Variants in AOPEP observed in about 807,000 individuals in gnomAD.
AOPEP encodes the protein aminopeptidase O (putative).
In AOPEP, 77 loss-of-function variants were observed where a neutral mutation model predicts 98.1. That is an observed-to-expected ratio of 0.78 (90% CI 0.65 to 0.95). The LOEUF (loss-of-function observed/expected upper bound fraction) is 0.95, where lower values mean the gene tolerates loss of function less well. Ranked by LOEUF, AOPEP falls within the 40% of genes least tolerant of loss-of-function variation. AOPEP has a pLI of 0.00. For synonymous variants in AOPEP, 346 were observed against 365.3 expected (o/e 0.95, Z 0.60); for missense variants, 1,024 against 1,024.7 (o/e 1.00, Z 0.01).
chr9:94,909,712 C>A (rs1054599416), intron 5 of AOPEP, among the ~76,000 whole-genome samples: 1 of 152,240 alleles, frequency 6.6e-6, no homozygotes, highest in African/African-American at 2.4e-5. Context: ...TAGATCCCCA[C>A]AAGCCTCTAG....
At chr9:94,778,920 T>C (rs548838738) in intron 3 of AOPEP, among the ~76,000 whole-genome samples, 1 of 152,056 alleles carries the variant, frequency 6.6e-6, no homozygotes, top group South Asian at 2.1e-4. Context: ...TCCCATTTAC[T>C]CAGGAGGCTG....
At chr9:95,101,887 C>T in the AOPEP span, 1 of 1,612,676 alleles carries the variant, frequency 6.2e-7, no homozygotes. Flanking sequence ...AATTAAAACA[C>T]TTTCCAGACA....
chr9:94,782,796 G>A (rs916992623), intron 3 of AOPEP, among the ~76,000 whole-genome samples: 1 of 152,106 alleles, frequency 6.6e-6, no homozygotes, highest in Non-Finnish European at 1.5e-5. Flanking sequence ...GAAAGATGCC[G>A]GTGAGCCAGT....
intron 5 of AOPEP, among the ~76,000 whole-genome samples, chr9:94,920,502 C>T (rs989521921): frequency 2.0e-5 from 3 of 152,124 alleles, no homozygotes; most frequent in African/African-American, 7.2e-5. Flanking sequence ...TAGCCAGGGC[C>T]GCCAAGTGCT....
chr9:94,861,637 A>G (rs936317944), intron 5 of AOPEP, among the ~76,000 whole-genome samples: 2 of 152,148 alleles, frequency 1.3e-5, no homozygotes, highest in African/African-American at 2.4e-5. Context: ...TTTTAGGCCC[A>G]TTTTTGGAAA....
the AOPEP span, among the ~76,000 whole-genome samples, chr9:95,120,161 C>T: frequency 2.0e-5 from 3 of 152,318 alleles, no homozygotes; most frequent in Non-Finnish European, 4.4e-5. Flanking sequence ...TCTGTTGAAG[C>T]CCATGATCCT....
rs530296375 is a variant in AOPEP at position 94,779,425 on chromosome 9, A to G, written c.964+6257A>G. ...CTGCAGTAAAGCCTTGTGTTTGACA[A>G]TGTTTCCCAAACTTGAGCATTATTC... On this transcript the variant is annotated intron_variant, in intron 3 of 16. Transcript: ENST00000375315. 2.6e-4 allele frequency among the ~76,000 whole-genome samples: 40 copies of G among 152,282 alleles called. 2 individuals are homozygous for G. The South Asian group carries it at 7.7e-3, about 29-fold the overall frequency.
At position 95,016,948 on chromosome 9, in the gene AOPEP, A is replaced by T. The variant is rs72750384; in HGVS notation, c.2115+11332A>T. 5.2e-3 allele frequency among the ~76,000 whole-genome samples: 786 copies of T among 151,344 alleles called. 14 individuals carry two copies. The highest frequency in any genetic ancestry group is 0.043 in the East Asian group (221 of 5,160). On this transcript the variant is annotated intron_variant, in intron 13 of 16. Transcript: ENST00000375315. ...AACAGTAGTCATTTTATGTGGCCTC[A>T]CTTGTAACTACAAGTCACATAGCTC...
rs187773133 is a variant in AOPEP at position 94,912,218 on chromosome 9, C to T, written c.1365-11768C>T. ...GACCCCCAGCTCTGTCCCCAAAGAC[C>T]GAGTTCTTAAAAACCACTAGAATAG... On this transcript the variant is annotated intron_variant, in intron 5 of 16. Transcript: ENST00000375315. 5.4e-4 allele frequency among the ~76,000 whole-genome samples: 82 copies of T among 152,222 alleles called. No homozygotes were observed. In the East Asian group the frequency reaches 0.012, roughly 23 times the overall value.
Position 94,868,852 on chromosome 9 carries a change from A to G in AOPEP, c.1365-55134A>G, listed in dbSNP as rs182230467. On this transcript the variant is annotated intron_variant, in intron 5 of 16. Transcript: ENST00000375315. Reference sequence around the variant, plus strand: ...CTTCATGTGTATTCGGAATGTATTTAGTATTGCTTGCCATATTTTAAAACT... The same window carrying G: ...CTTCATGTGTATTCGGAATGTATTTGGTATTGCTTGCCATATTTTAAAACT... 1.9e-4 allele frequency among the ~76,000 whole-genome samples: 29 copies of G among 152,290 alleles called. No individual in the cohort carries two copies. The East Asian group carries it at 5.6e-3, about 29-fold the overall frequency.
rs564831468 is a variant in AOPEP at position 94,731,790 on chromosome 9, C to CTTTTT, written c.-136+5058_-136+5062dup. Reference sequence around the variant, plus strand: ...TTTTCCCTAGTCTGTTCTCTTTTGCCTTTTTTTTTTTTTTTTTTTTTTTGA... The same window carrying CTTTTT: ...TTTTCCCTAGTCTGTTCTCTTTTGCCTTTTTTTTTTTTTTTTTTTTTTTTTTTTGA... On this transcript the variant is annotated intron_variant, in intron 1 of 16. Transcript: ENST00000375315. Among the ~76,000 whole-genome samples, 172 of 86,270 alleles carry CTTTTT rather than the reference C, an allele frequency of 2.0e-3. 3 individuals are homozygous for CTTTTT. The highest frequency in any genetic ancestry group is 0.011 in the Middle Eastern group (1 of 94). The allele number at this position is 86,270 out of a possible 152,430, so 56.6% of individuals were successfully genotyped here. A position where few individuals can be genotyped will look rare whatever the true frequency, so the allele number is the denominator to read the frequency against.
intron 5 of AOPEP, among the ~76,000 whole-genome samples, chr9:94,887,749 G>C (rs1032253907): frequency 1.3e-5 from 2 of 152,168 alleles, no homozygotes; most frequent in African/African-American, 2.4e-5. Flanking sequence ...CGGGCAGACA[G>C]GACAGATAGA....
intron 5 of AOPEP, among the ~76,000 whole-genome samples, chr9:94,922,626 C>G (rs2053784234): frequency 6.6e-6 from 1 of 151,930 alleles, no homozygotes; most frequent in Non-Finnish European, 1.5e-5. Context: ...TTCTTCCTTC[C>G]TTCCTTGTTT....
intron 1 of AOPEP, among the ~76,000 whole-genome samples, chr9:94,729,921 G>T (rs996916599): frequency 1.3e-5 from 2 of 152,308 alleles, no homozygotes; most frequent in South Asian, 4.1e-4. Context: ...GAAAGAGTAG[G>T]AAGACTGGGA....
Position 94,838,194 on chromosome 9 carries a change from A to G in AOPEP, c.1364+37192A>G, listed in dbSNP as rs149005416. 7.5e-3 allele frequency among the ~76,000 whole-genome samples: 1,140 copies of G among 152,200 alleles called. 6 individuals carry two copies. The highest frequency in any genetic ancestry group is 0.012 in the Non-Finnish European group (799 of 68,006). On this transcript the variant is annotated intron_variant, in intron 5 of 16. Coordinates refer to ENST00000375315, the MANE Select transcript of AOPEP (RefSeq NM_001193329.3). The stretch of plus-strand genomic sequence containing the variant: ...CTGGCTCATTTTTTGTATTTTTAGT[A>G]GAGATGGGGTTTCACTGCATTAGCC...
the AOPEP span, among the ~76,000 whole-genome samples, chr9:95,094,543 C>A: frequency 6.6e-6 from 1 of 152,186 alleles, no homozygotes; most frequent in Non-Finnish European, 1.5e-5. Context: ...TTGAGGCTTG[C>A]CTGTTTTAGG....
chr9:95,118,539 G>A, the AOPEP span, among the ~76,000 whole-genome samples: 12 of 152,256 alleles, frequency 7.9e-5, no homozygotes, highest in East Asian at 7.7e-4. Context: ...TTTCTATCAC[G>A]CCAAAAAGTC....
chr9:94,820,428 A>G (rs1255333196), intron 5 of AOPEP, among the ~76,000 whole-genome samples: 1 of 152,048 alleles, frequency 6.6e-6, no homozygotes, highest in East Asian at 1.9e-4. Context: ...CACACACCCT[A>G]TTTTACACTG....
chr9:94,763,073 AC>A (rs1838743527), intron 2 of AOPEP: 1 of 435,790 alleles, frequency 2.3e-6, no homozygotes, highest in South Asian at 1.8e-5. Flanking sequence ...TATCAGTTAT[AC>A]CCGCTCTAAG....
Sources: gnomAD v4.1 joint callset for allele counts (sites outside exome capture counted in the v4.1 genomes callset) on GRCh38, gnomAD v4.1.1 for gene constraint, MANE v1.5 for transcripts, NCBI Gene and HGNC (gene_info 2026-07-23, HGNC 2026-07-21) for gene names.